Variants in DIP2C observed in about 807,000 individuals in gnomAD.
The protein encoded by DIP2C is DIP2 acetate--CoA ligase C (putative).
A neutral mutation model predicts 192.4 loss-of-function variants in DIP2C; 33 were observed. The ratio of observed to expected loss-of-function variants is 0.17; its 90% CI spans 0.13 to 0.23. The LOEUF (loss-of-function observed/expected upper bound fraction) is 0.23, where lower values mean the gene tolerates loss of function less well. Among genes scored for constraint, DIP2C ranks in the 10% least tolerant of loss-of-function variants. The probability of loss-of-function intolerance (pLI) is 1.00; values close to 1 mark genes in which losing one functional copy is unlikely to be tolerated. For synonymous variants in DIP2C, 979 were observed against 864.1 expected, an observed-to-expected ratio of 1.13 and a Z score of -2.33; for missense variants, 1,537 against 2,110.1, an observed-to-expected ratio of 0.73 and a Z score of 5.32.
chr10:422,408 G>C (rs115715735), intron 5 of DIP2C, among the ~76,000 whole-genome samples: 205 of 152,118 alleles, frequency 1.3e-3, no homozygotes, highest in African/African-American at 4.7e-3. Flanking sequence ...GCAGTGTGCC[G>C]GCCCCCAAGA....
chr10:618,506 C>A lies in DIP2C; in HGVS notation c.85+70988G>T, dbSNP rs544725389. Reference sequence around the variant, plus strand: ...ACAGAGCTCAAGGCACGAGCAGGCGCCCACCATGCTAAAAATACCACACAG... The same window carrying A: ...ACAGAGCTCAAGGCACGAGCAGGCGACCACCATGCTAAAAATACCACACAG... On this transcript the variant is annotated intron_variant, in intron 1 of 36. Transcript: ENST00000280886. 2.5e-3 allele frequency among the ~76,000 whole-genome samples: 379 copies of A among 152,322 alleles called. 1 individual carries two copies. The highest frequency in any genetic ancestry group is 8.4e-3 in the African/African-American group (350 of 41,560).
At chr10:376,656 G>A (rs1961634271) in intron 17 of DIP2C, among the ~76,000 whole-genome samples, 1 of 151,108 alleles carries the variant, frequency 6.6e-6, no homozygotes, top group African/African-American at 2.4e-5. Context: ...CAGCCCTGAT[G>A]AAGGTGCCGG....
At chr10:506,777 C>T (rs530363574) in intron 1 of DIP2C, among the ~76,000 whole-genome samples, 8 of 152,364 alleles carry the variant, frequency 5.3e-5, no homozygotes, top group Non-Finnish European at 7.3e-5. Context: ...AGCCACGCAA[C>T]GTTCCCACCT....
At chr10:313,184 T>C (rs1956633474) in intron 31 of DIP2C, among the ~76,000 whole-genome samples, 1 of 152,230 alleles carries the variant, frequency 6.6e-6, no homozygotes, top group Admixed American at 6.5e-5. Flanking sequence ...CAAAGAATGC[T>C]AGCCAGTGTT....
intron 1 of DIP2C, among the ~76,000 whole-genome samples, chr10:625,158 C>A (rs1051641340): frequency 6.6e-6 from 1 of 152,188 alleles, no homozygotes; most frequent in African/African-American, 2.4e-5. Flanking sequence ...TCACTGTTTA[C>A]GCTGACAATT....
At chr10:593,404 G>A (rs1459712555) in intron 1 of DIP2C, among the ~76,000 whole-genome samples, 1 of 151,216 alleles carries the variant, frequency 6.6e-6, no homozygotes, top group Non-Finnish European at 1.5e-5. Flanking sequence ...AATTCCAACT[G>A]CCTTCACACC....
intron 1 of DIP2C, among the ~76,000 whole-genome samples, chr10:536,359 C>T (rs1454607052): frequency 6.6e-6 from 1 of 151,208 alleles, no homozygotes; most frequent in East Asian, 1.9e-4. Flanking sequence ...AGACCCTGTT[C>T]CCCATAGGGA....
At chr10:590,862 C>T (rs1318283011) in intron 1 of DIP2C, among the ~76,000 whole-genome samples, 1 of 152,202 alleles carries the variant, frequency 6.6e-6, no homozygotes, top group Non-Finnish European at 1.5e-5. Context: ...GGGCCGCCTC[C>T]CTCCAGCAGG....
intron 1 of DIP2C, among the ~76,000 whole-genome samples, chr10:542,816 A>G (rs1043729211): frequency 2.1e-5 from 3 of 145,572 alleles, no homozygotes; most frequent in South Asian, 2.2e-4. Context: ...CAGATTGGGG[A>G]GTGGGGGGTT....
chr10:279,901 G>T (rs17221260), intron 36 of DIP2C, among the ~76,000 whole-genome samples: 39,760 of 152,210 alleles, frequency 0.26, 6,525 homozygotes, highest in Non-Finnish European at 0.37. Context: ...CTTTTAGCGG[G>T]AAACCAGACA....
chr10:385,564 G>A lies in DIP2C; in HGVS notation c.1663-925C>T, dbSNP rs563675713. On this transcript the variant is annotated intron_variant, in intron 14 of 36. Coordinates refer to ENST00000280886, the MANE Select transcript of DIP2C (RefSeq NM_014974.3). Reference sequence around the variant, plus strand: ...ACTGCTCTGAATCGCAGGGCTAGGGGAAGCTCGGATTCTGGCTCTGGCCGG... The same window carrying A: ...ACTGCTCTGAATCGCAGGGCTAGGGAAAGCTCGGATTCTGGCTCTGGCCGG... Among the ~76,000 whole-genome samples the A allele has an allele frequency of 2.1e-3, 313 of 152,316 alleles. 1 individual carries two copies. Among genetic ancestry groups the A allele is most frequent in the Middle Eastern group, 0.014 (4 of 294 alleles).
intron 1 of DIP2C, among the ~76,000 whole-genome samples, chr10:553,510 T>C (rs1848685050): frequency 6.6e-6 from 1 of 152,246 alleles, no homozygotes; most frequent in African/African-American, 2.4e-5. Context: ...TGTAAACACT[T>C]GAAGTTTGGC....
chr10:292,362 T>C (rs1955535229), intron 32 of DIP2C, among the ~76,000 whole-genome samples: 1 of 152,252 alleles, frequency 6.6e-6, no homozygotes, highest in African/African-American at 2.4e-5. Context: ...TCACCCCTTA[T>C]TTCTTCTCCA....
chr10:577,561 C>T (rs143670928), intron 1 of DIP2C, among the ~76,000 whole-genome samples: 3 of 152,334 alleles, frequency 2.0e-5, no homozygotes, highest in Non-Finnish European at 2.9e-5. Context: ...GCAGTGAGAA[C>T]TCTGAATGCT....
chr10:578,828 A>C (rs898696597), intron 1 of DIP2C, among the ~76,000 whole-genome samples: 1 of 152,052 alleles, frequency 6.6e-6, no homozygotes, highest in East Asian at 1.9e-4. Flanking sequence ...GAGAGCACAC[A>C]CATCCAGATC....
At chr10:685,800 A>T (rs1831310444) in intron 1 of DIP2C, among the ~76,000 whole-genome samples, 1 of 152,070 alleles carries the variant, frequency 6.6e-6, no homozygotes, top group Non-Finnish European at 1.5e-5. Context: ...CATCTCTACA[A>T]AGGTACAAAA....
chr10:451,588 A>C (rs1968852937), intron 3 of DIP2C, among the ~76,000 whole-genome samples: 1 of 152,248 alleles, frequency 6.6e-6, no homozygotes, highest in African/African-American at 2.4e-5. Flanking sequence ...TGTTAGAAGC[A>C]ATTTTACTTA....
At chr10:581,107 TG>T (rs1850619854) in intron 1 of DIP2C, among the ~76,000 whole-genome samples, 1 of 152,230 alleles carries the variant, frequency 6.6e-6, no homozygotes, top group African/African-American at 2.4e-5. Context: ...GAGCGATGTC[TG>T]GCAGAATGCA....
Position 415,900 on chromosome 10 carries a change from G to GA in DIP2C, c.740-13dup. The GA allele has an allele frequency of 6.2e-7, 1 of 1,613,574 alleles. No individual in the cohort carries two copies. The highest frequency in any genetic ancestry group is 1.3e-5 in the African/African-American group (1 of 74,830). ...ACTTACTGGTACTCCTGAAAAACAG[G>GA]AATCAGCGGGTGGGGAAAGCGATCA... On this transcript the variant is annotated splice_polypyrimidine_tract_variant and intron_variant, in intron 6 of 36. Transcript: ENST00000280886.
Sources: gnomAD v4.1 joint callset for allele counts (sites outside exome capture counted in the v4.1 genomes callset) on GRCh38, gnomAD v4.1.1 for gene constraint, MANE v1.5 for transcripts, NCBI Gene and HGNC (gene_info 2026-07-23, HGNC 2026-07-21) for gene names.